Variants in ZFP69 observed in about 807,000 individuals in gnomAD.
The protein encoded by ZFP69 is zinc finger protein 69 homolog.
A neutral mutation model predicts 48.9 loss-of-function variants in ZFP69; 35 were observed. The ratio of observed to expected loss-of-function variants is 0.72; its 90% confidence interval spans 0.55 to 0.95. The LOEUF is 0.95. Ranked by LOEUF, ZFP69 falls within the 40% of genes least tolerant of loss-of-function variation. The pLI is 0.00. For missense variants in ZFP69, 557 were observed against 638.4 expected, an observed-to-expected ratio of 0.87 and a Z score of 1.37; for synonymous variants, 193 against 216.8, an observed-to-expected ratio of 0.89 and a Z score of 0.96.
chr1:40,488,968 C>A, intron 3 of ZFP69, 120 bp from the exon 4 acceptor site: 1 of 1,238,628 alleles, frequency 8.1e-7, no homozygotes, highest in Non-Finnish European at 1.1e-6. Context: ...CAAACAGATC[C>A]AGAGAAGGCT....
rs369759108 is a variant in ZFP69, at chr1:40,489,256, C to T, written c.346+42C>T. ...CATGCATCCAGAAACCCACCCATTA[C>T]AGGAGAGTCATTATTTTAAATTATT... On this transcript the variant is annotated intron_variant, in intron 4 of 5. Coordinates refer to ENST00000372706, the MANE Select transcript of ZFP69 (RefSeq NM_001320179.2). 14 of 1,597,232 alleles carry T rather than the reference C, an allele frequency of 8.8e-6. No homozygotes were observed. The African/African-American group carries it at 1.8e-4, about 20-fold the overall frequency.
chr1:40,480,566 TA>T (rs58707291), intron 2 of ZFP69, among the ~76,000 whole-genome samples: 11,194 of 144,604 alleles, frequency 0.077, 596 homozygotes, highest in African/African-American at 0.15. Flanking sequence ...TAAACTGAGT[TA>T]AAAAAAAAAA....
intron 5 of ZFP69, among the ~76,000 whole-genome samples, chr1:40,491,536 CTT>C (rs970174595): frequency 2.6e-5 from 4 of 152,108 alleles, no homozygotes; most frequent in Non-Finnish European, 4.4e-5. Flanking sequence ...TATTGTCAAA[CTT>C]TAAGATTTTT....
At chr1:40,480,267 AT>A (rs61577884) in intron 2 of ZFP69, among the ~76,000 whole-genome samples, 2,333 of 142,492 alleles carry the variant, frequency 0.016, 42 homozygotes, top group East Asian at 0.073. Flanking sequence ...TCTGGTTGTG[AT>A]TTTTTTTTTT....
At chr1:40,484,854 T>G (rs971375253) in intron 3 of ZFP69, among the ~76,000 whole-genome samples, 1 of 145,752 alleles carries the variant, frequency 6.9e-6, no homozygotes, top group Admixed American at 7.1e-5. Flanking sequence ...GGGCTGAGAT[T>G]ACAGGCATGA....
chr1:40,489,703 GT>G (rs969222377), intron 5 of ZFP69, 79 bp downstream of exon 5: 69 of 1,061,618 alleles, frequency 6.5e-5, no homozygotes, highest in Non-Finnish European at 8.9e-5. Flanking sequence ...AAGAAAAGAA[GT>G]TTAATTGGCT....
In ZFP69 at chr1:40,489,515, T is replaced by TA. The variant is rs755136826; in HGVS notation, c.347-13dup. 6.2e-6 allele frequency: 10 copies of TA among 1,604,092 alleles called. No homozygotes were observed. Among genetic ancestry groups the TA allele is most frequent in the Non-Finnish European group, 7.7e-6 (9 of 1,175,136 alleles). On this transcript the variant is annotated splice_polypyrimidine_tract_variant and intron_variant, in intron 4 of 5. Coordinates refer to ENST00000372706, the MANE Select transcript of ZFP69 (RefSeq NM_001320179.2). ...GCATAAACATTCACACTGTTTTTTTTACTACATAAGCAGGATATCAACTTT... is the reference window on the plus strand; with the variant it reads ...GCATAAACATTCACACTGTTTTTTTTAACTACATAAGCAGGATATCAACTTT...
At chr1:40,489,866 C>CTT (rs374820239) in intron 5 of ZFP69, among the ~76,000 whole-genome samples, 258 of 115,392 alleles carry the variant, frequency 2.2e-3, no homozygotes, top group African/African-American at 4.8e-3. Flanking sequence ...TTTTCTTTTT[C>CTT]TTTTTTTTTT....
In ZFP69 at chr1:40,495,656, G is replaced by A; in HGVS notation, c.1178G>A (p.Arg393Lys). 1.2e-6 allele frequency: 2 copies of A among 1,614,208 alleles called. No homozygotes were observed. Among genetic ancestry groups the A allele is most frequent in the Non-Finnish European group, 1.7e-6 (2 of 1,180,042 alleles). ...FTCNECGKTF[R>K]QIRHLSEHIR... is the part of the protein sequence containing the mutation. ...TGCAATGAATGTGGGAAAACCTTTA[G>A]ACAGATTAGACACCTTAGTGAACAT... The change falls in exon 6 of 6, where the codon AGA (arginine) becomes AAA (lysine). Residue 393 changes from arginine to lysine, a missense_variant. Physicochemically the swap from Arg to Lys is conservative, Grantham distance 26 (BLOSUM62 2). Transcript: ENST00000372706.
At chr1:40,482,474 T>G (rs1016794971) in intron 3 of ZFP69, among the ~76,000 whole-genome samples, 2 of 152,034 alleles carry the variant, frequency 1.3e-5, no homozygotes, top group Non-Finnish European at 2.9e-5. Flanking sequence ...AGGAAAATTG[T>G]AGAATAAATG....
chr1:40,496,018 C>G lies in ZFP69; in HGVS notation c.1540C>G (p.His514Asp). ...FSYNSSLSRH[H>D]EIHRRNAFRN... ...CTATAACTCTTCACTTAGTCGACAT[C>G]ATGAAATACACAGGAGGAACGCCTT... The change falls in exon 6 of 6, where the codon CAT (histidine) becomes GAT (aspartate). Residue 514 changes from histidine to aspartate, a missense_variant. By Grantham distance (81) the His-to-Asp change is moderately conservative. Coordinates refer to ENST00000372706, the MANE Select transcript of ZFP69 (RefSeq NM_001320179.2). The G allele has an allele frequency of 6.2e-7, 1 of 1,610,292 alleles. No homozygotes were observed. Among genetic ancestry groups the G allele is most frequent in the Non-Finnish European group, 8.5e-7 (1 of 1,178,382 alleles).
At chr1:40,483,682 T>C (rs1645465791) in intron 3 of ZFP69, among the ~76,000 whole-genome samples, 2 of 152,222 alleles carry the variant, frequency 1.3e-5, no homozygotes, top group Non-Finnish European at 2.9e-5. Context: ...ACTATTATCG[T>C]TACTTCTTCC....
intron 3 of ZFP69, among the ~76,000 whole-genome samples, chr1:40,487,875 G>C (rs193215222): frequency 1.3e-5 from 2 of 151,762 alleles, no homozygotes; most frequent in East Asian, 3.9e-4. Context: ...GGTGAAACCC[G>C]GTCTCTACTA....
At chr1:40,483,226 ATTTTTT>A (rs56706952) in intron 3 of ZFP69, among the ~76,000 whole-genome samples, 6 of 116,980 alleles carry the variant, frequency 5.1e-5, no homozygotes, top group African/African-American at 1.5e-4. Context: ...ACCTTTTTTA[ATTTTTT>A]TTTTTTTTTT....
intron 3 of ZFP69, among the ~76,000 whole-genome samples, chr1:40,484,150 T>A (rs142336673): frequency 2.0e-4 from 31 of 152,310 alleles, no homozygotes; most frequent in African/African-American, 7.2e-4. Context: ...GTTTGCTATT[T>A]GTCCTATCTA....
chr1:40,481,028 C>T (rs1367312347), intron 2 of ZFP69, among the ~76,000 whole-genome samples: 2 of 152,102 alleles, frequency 1.3e-5, no homozygotes, highest in South Asian at 2.1e-4. Flanking sequence ...AGGCTGGTCT[C>T]GAACTCCTGA....
At position 40,483,226 on chromosome 1, in the gene ZFP69, A is replaced by ATTTTTTTTTTTTTTTTTTTTT. The variant is rs56706952; in HGVS notation, c.219+1392_219+1393insTTTTTTTTTTTTTTTTTTTTT. Among the ~76,000 whole-genome samples the ATTTTTTTTTTTTTTTTTTTTT allele has an allele frequency of 1.2e-3, 145 of 116,938 alleles. 7 individuals carry two copies. Among genetic ancestry groups the ATTTTTTTTTTTTTTTTTTTTT allele is most frequent in the Middle Eastern group, 4.5e-3 (1 of 224 alleles). The allele number at this position is 116,938 out of a possible 152,430, so 76.7% of individuals were successfully genotyped here. ...AAAATCAAACCATACACCTTTTTTAATTTTTTTTTTTTTTTTTTTTAGAGA... is the reference window on the plus strand; with the variant it reads ...AAAATCAAACCATACACCTTTTTTAATTTTTTTTTTTTTTTTTTTTTTTTTTTTTTTTTTTTTTTTTAGAGA... On this transcript the variant is annotated intron_variant, in intron 3 of 5. Coordinates refer to ENST00000372706, the MANE Select transcript of ZFP69 (RefSeq NM_001320179.2).
At chr1:40,487,592 T>C (rs982141676) in intron 3 of ZFP69, among the ~76,000 whole-genome samples, 1 of 152,166 alleles carries the variant, frequency 6.6e-6, no homozygotes, top group African/African-American at 2.4e-5. Context: ...TAAAATAAAC[T>C]ATAGTACACC....
At chr1:40,482,341 C>G (rs946375801) in intron 3 of ZFP69, among the ~76,000 whole-genome samples, 4 of 151,962 alleles carry the variant, frequency 2.6e-5, no homozygotes, top group African/African-American at 9.7e-5. Context: ...AAGAAATAGG[C>G]CACACAGTGC....
Sources: allele counts gnomAD v4.1 joint callset (sites outside exome capture counted in the v4.1 genomes callset), GRCh38; gene constraint gnomAD v4.1.1; transcripts MANE v1.5; gene names NCBI Gene and HGNC (gene_info 2026-07-23, HGNC 2026-07-21).